The following ZNF264 variants were observed in gnomAD, a reference collection of about 807,000 sequenced individuals.
ZNF264 encodes the protein zinc finger protein 264.
In ZNF264, 11 loss-of-function variants were observed where a neutral mutation model predicts 11.2. The ratio of observed to expected loss-of-function variants is 0.98; its 90% CI spans 0.62 to 1.63. ZNF264 has a LOEUF of 1.63. Among genes scored for constraint, ZNF264 ranks in the 40% most tolerant of loss-of-function variants. The pLI is 0.00. For missense variants in ZNF264, 752 were observed against 768.1 expected, an observed-to-expected ratio of 0.98 and a Z score of 0.25; for synonymous variants, 309 against 279.8, an observed-to-expected ratio of 1.10 and a Z score of -1.04.
chr19:57,200,863 C>T (rs2087247991), intron 2 of ZNF264, among the ~76,000 whole-genome samples: 1 of 151,936 alleles, frequency 6.6e-6, no homozygotes, highest in South Asian at 2.1e-4. Context: ...CCATCCGCCT[C>T]AGCCTCCCAA....
At chr19:57,193,537 T>G (rs1341360792) in intron 1 of ZNF264, 1 of 985,246 alleles carries the variant, frequency 1.0e-6, no homozygotes, top group Non-Finnish European at 1.2e-6. Flanking sequence ...CCAGTGAGAC[T>G]CAGGTACTGC....
intron 2 of ZNF264, among the ~76,000 whole-genome samples, chr19:57,195,388 A>G (rs1318512434): frequency 6.6e-6 from 1 of 152,250 alleles, no homozygotes; most frequent in Non-Finnish European, 1.5e-5. Context: ...CAACAATTAC[A>G]GTCCTCATTT....
At position 57,218,954 on chromosome 19, in the gene ZNF264, T is replaced by G. The variant is rs1342701249; in HGVS notation, c.*5973T>G. 2 of 152,216 alleles carry G rather than the reference T, an allele frequency of 1.3e-5. No homozygotes were observed. The highest frequency in any genetic ancestry group is 2.4e-5 in the African/African-American group (1 of 41,462). The allele number at this position is 152,216 out of a possible 1,614,324, so 9.4% of individuals were successfully genotyped here. A position where few individuals can be genotyped will look rare whatever the true frequency, so the allele number is the denominator to read the frequency against. ...TGACATTTGAATAGAAATGTTAAAC[T>G]ATCTGGGGGAATAGAAAGCCCACAG... On this transcript the variant is annotated 3_prime_UTR_variant, in exon 4 of 4. Transcript: ENST00000263095.
chr19:57,208,134 C>T lies in ZNF264; in HGVS notation c.256+2642C>T, dbSNP rs1599952755. 2.6e-5 allele frequency among the ~76,000 whole-genome samples: 4 copies of T among 152,304 alleles called. No individual in the cohort carries two copies. The South Asian group carries it at 8.3e-4, about 32-fold the overall frequency. ...CCTCCCAAAGTGCAGGGATTACAGG[C>T]GTAAGCCACTATGCCCAGCCTCGAG... is the stretch of plus-strand genomic sequence containing the variant. On this transcript the variant is annotated intron_variant, in intron 3 of 3. Transcript: ENST00000263095.
intron 3 of ZNF264, 131 bp from the exon 4 acceptor site, chr19:57,211,223 G>A: frequency 1.0e-6 from 1 of 981,840 alleles, no homozygotes; most frequent in Non-Finnish European, 1.5e-6. Context: ...GCAAACCCAA[G>A]AATTTGAGAT....
Position 57,191,843 on chromosome 19 carries a change from G to C in ZNF264, c.-71G>C. On this transcript the variant is annotated 5_prime_UTR_variant, in exon 1 of 4. Transcript: ENST00000263095. ...AAGCCCCGGGCAACCGGCCAGGGTCGGGCACAGGTGGGGTCCGTCAGGCCG... is the reference window on the plus strand; with the variant it reads ...AAGCCCCGGGCAACCGGCCAGGGTCCGGCACAGGTGGGGTCCGTCAGGCCG... 5.0e-6 allele frequency: 6 copies of C among 1,207,060 alleles called. No homozygotes were observed. Among genetic ancestry groups the C allele is most frequent in the Non-Finnish European group, 6.3e-6 (6 of 952,844 alleles). The allele number at this position is 1,207,060 out of a possible 1,614,324, so 74.8% of individuals were successfully genotyped here.
In ZNF264 at chr19:57,192,803, C is replaced by G. The variant is rs145125461; in HGVS notation, c.33+857C>G. ...CTGGAGTACAGTGGTGCACTCTCAG[C>G]TCACTGCAGTCTCTGCCTCCCAGGT... On this transcript the variant is annotated intron_variant, in intron 1 of 3. Coordinates refer to ENST00000263095, the MANE Select transcript of ZNF264 (RefSeq NM_003417.5). Among the ~76,000 whole-genome samples, 585 of 152,258 alleles carry G rather than the reference C, an allele frequency of 3.8e-3. 1 individual carries two copies. Among genetic ancestry groups the G allele is most frequent in the Non-Finnish European group, 6.3e-3 (426 of 68,020 alleles).
intron 2 of ZNF264, among the ~76,000 whole-genome samples, chr19:57,203,917 T>C (rs1379781776): frequency 6.6e-6 from 1 of 151,972 alleles, no homozygotes; most frequent in Non-Finnish European, 1.5e-5. Context: ...CCAGGCGCGG[T>C]TGCTTACGCC....
Position 57,212,362 on chromosome 19 carries a change from C to T in ZNF264, c.1265C>T (p.Thr422Ile). 2 of 1,613,396 alleles carry T rather than the reference C, an allele frequency of 1.2e-6. No homozygotes were observed. The highest frequency in any genetic ancestry group is 1.7e-6 in the Non-Finnish European group (2 of 1,179,846). Residue 422 changes from threonine (T) to isoleucine (I), a missense_variant, in exon 4 of 4, where the codon ACT (threonine) becomes ATT (isoleucine). Transcript: ENST00000263095. ...SYLKRHQRIH[T>I]GEKPFVCSEC... ...CTCAAGAGGCACCAGCGGATTCACA[C>T]TGGGGAGAAGCCCTTCGTGTGCAGT...
intron 2 of ZNF264, among the ~76,000 whole-genome samples, chr19:57,200,452 GAAAA>G (rs573593161): frequency 7.8e-6 from 1 of 127,752 alleles, no homozygotes; most frequent in Non-Finnish European, 1.7e-5. Flanking sequence ...AAAATAAATT[GAAAA>G]AAAAAAAAGC....
Position 57,217,001 on chromosome 19 carries a change from C to A in ZNF264, c.*4020C>A, listed in dbSNP as rs930434872. On this transcript the variant is annotated 3_prime_UTR_variant, in exon 4 of 4. Coordinates refer to ENST00000263095, the MANE Select transcript of ZNF264 (RefSeq NM_003417.5). Reference sequence around the variant, plus strand: ...TATGTCAAATATGCATTTAATACACCTACCCTGCTGAACATCATAGCCGAT... The same window carrying A: ...TATGTCAAATATGCATTTAATACACATACCCTGCTGAACATCATAGCCGAT... 5 of 152,080 alleles carry A rather than the reference C, an allele frequency of 3.3e-5. No homozygotes were observed. The highest frequency in any genetic ancestry group is 9.7e-5 in the African/African-American group (4 of 41,396). The allele number at this position is 152,080 out of a possible 1,614,324, so 9.4% of individuals were successfully genotyped here. A position where few individuals can be genotyped will look rare whatever the true frequency, so the allele number is the denominator to read the frequency against.
rs1303723811 is a variant in ZNF264 at position 57,211,390 on chromosome 19, C to T, written c.293C>T (p.Thr98Ile). The T allele has an allele frequency of 1.9e-6, 3 of 1,613,826 alleles. No individual in the cohort carries two copies. Among genetic ancestry groups the T allele is most frequent in the Non-Finnish European group, 2.5e-6 (3 of 1,179,890 alleles). Residue 98 changes from threonine to isoleucine, a missense_variant, in exon 4 of 4, where the codon ACT becomes ATT. Transcript: ENST00000263095. ...AAACCTAAGACCACAGAACCTACCA[C>T]TTGTGAGCCAGCCTTGTCAGAGGGA... The part of the protein sequence containing the change: ...KGKPKTTEPT[T>I]CEPALSEGIS...
In ZNF264 at chr19:57,211,503, C is replaced by T; in HGVS notation, c.406C>T (p.Gln136Ter). Reference sequence around the variant, plus strand: ...GGATCAGGATGGGCTATCAGAAATGCAGGAAGGACACTTCAGACCAGGAAT... The same window carrying T: ...GGATCAGGATGGGCTATCAGAAATGTAGGAAGGACACTTCAGACCAGGAAT... ...AEDQDGLSEM[Q>*]EGHFRPGIDP... The change falls in exon 4 of 4, where the codon CAG (glutamine) becomes TAG (stop). Residue 136 changes from glutamine (Q) to a stop codon, truncating the protein, a stop_gained. Coordinates refer to ENST00000263095, the MANE Select transcript of ZNF264 (RefSeq NM_003417.5). LOFTEE classifies it low-confidence loss of function (END_TRUNC). The T allele has an allele frequency of 6.2e-7, 1 of 1,614,020 alleles. No individual in the cohort carries two copies. The highest frequency in any genetic ancestry group is 8.5e-7 in the Non-Finnish European group (1 of 1,180,008).
intron 2 of ZNF264, among the ~76,000 whole-genome samples, chr19:57,198,837 C>T (rs1259166384): frequency 6.6e-6 from 1 of 151,880 alleles, no homozygotes; most frequent in Non-Finnish European, 1.5e-5. Flanking sequence ...CATAAATTGT[C>T]AGTAGTGTAG....
chr19:57,196,316 A>G (rs1174473017), intron 2 of ZNF264, among the ~76,000 whole-genome samples: 3 of 151,990 alleles, frequency 2.0e-5, no homozygotes, highest in Non-Finnish European at 4.4e-5. Context: ...TGGCAGAAGC[A>G]CTGCGTGCAG....
In ZNF264 at chr19:57,211,950, A is replaced by G. The variant is rs745721861; in HGVS notation, c.853A>G (p.Lys285Glu). The G allele has an allele frequency of 8.7e-6, 14 of 1,613,958 alleles. No homozygotes were observed. The Admixed American group carries it at 2.2e-4, about 25-fold the overall frequency. The stretch of plus-strand genomic sequence containing the variant: ...GCACCAGCGGATTCACAGTGGAGAG[A>G]AGCCTTACAAGTGCAATGAATGCGG... ...TQHQRIHSGE[K>E]PYKCNECGKA... The change falls in exon 4 of 4, where the codon AAG becomes GAG. Residue 285 changes from lysine to glutamate, a missense_variant. Physicochemically the swap from Lys to Glu is moderately conservative, Grantham distance 56. Coordinates refer to ENST00000263095, the MANE Select transcript of ZNF264 (RefSeq NM_003417.5).
Position 57,191,740 on chromosome 19 carries a change from G to A in ZNF264, c.-174G>A. 6.9e-6 allele frequency: 3 copies of A among 435,876 alleles called. No homozygotes were observed. In the South Asian group the frequency reaches 2.7e-4, roughly 40 times the overall value. The allele number at this position is 435,876 out of a possible 1,614,324, so 27.0% of individuals were successfully genotyped here. On this transcript the variant is annotated 5_prime_UTR_variant, in exon 1 of 4. Coordinates refer to ENST00000263095, the MANE Select transcript of ZNF264 (RefSeq NM_003417.5). ...GGCGGCGCCCTGGGTCTGGAACGCG[G>A]TTGCCACCGAGGAGGCGGCGGCCCT... is the stretch of plus-strand genomic sequence containing the variant.
rs79661207 is a variant in ZNF264, at chr19:57,204,236, C to A, written c.161-1161C>A. On this transcript the variant is annotated intron_variant, in intron 2 of 3. Coordinates refer to ENST00000263095, the MANE Select transcript of ZNF264 (RefSeq NM_003417.5). ...CCGTCTCAAAAAAAAAAAAAAAAAA[C>A]TGTGTGGCCTTGGTCAAATGACTGA... 9.0e-5 allele frequency among the ~76,000 whole-genome samples: 13 copies of A among 144,128 alleles called. No individual in the cohort carries two copies. In the East Asian group the frequency reaches 2.4e-3, roughly 27 times the overall value. 94.6% of individuals were successfully genotyped at this position (144,128 alleles called of 152,430 possible). A position where few individuals can be genotyped will look rare whatever the true frequency, so the allele number is the denominator to read the frequency against.
At chr19:57,203,781 C>T (rs1384819786) in intron 2 of ZNF264, among the ~76,000 whole-genome samples, 3 of 152,158 alleles carry the variant, frequency 2.0e-5, no homozygotes, top group Non-Finnish European at 4.4e-5. Flanking sequence ...ATCTCTGCAT[C>T]GTCATCACTA....
Sources: allele counts gnomAD v4.1 joint callset (sites outside exome capture counted in the v4.1 genomes callset), GRCh38; gene constraint gnomAD v4.1.1; transcripts MANE v1.5; gene names NCBI Gene and HGNC (gene_info 2026-07-23, HGNC 2026-07-21).